Variants in ITGBL1 observed in about 807,000 individuals in gnomAD.
ITGBL1 encodes the protein integrin beta-like protein 1.
In ITGBL1, 51 loss-of-function variants were observed where a neutral mutation model predicts 68.5. The observed-to-expected ratio is 0.74, with a 90% CI of 0.59 to 0.94. The LOEUF is 0.94. Among genes scored for constraint, ITGBL1 ranks in the 40% least tolerant of loss-of-function variants. The pLI, the probability that ITGBL1 is intolerant of heterozygous loss-of-function variation, is 0.00. For synonymous variants in ITGBL1, 209 were observed against 227.3 expected (o/e 0.92, Z 0.72); for missense variants, 649 against 647.4 (o/e 1.00, Z -0.03).
At chr13:101,689,979 C>T (rs1024223034) in intron 7 of ITGBL1, among the ~76,000 whole-genome samples, 6 of 152,118 alleles carry the variant, frequency 3.9e-5, no homozygotes, top group African/African-American at 1.4e-4. Context: ...CATCCTAATA[C>T]GTTATTTTTG....
intron 2 of ITGBL1, among the ~76,000 whole-genome samples, chr13:101,485,449 A>C (rs1343305067): frequency 6.6e-6 from 1 of 152,198 alleles, no homozygotes. Flanking sequence ...GCTCAAAATC[A>C]CGAATCATCA....
chr13:101,620,680 T>G (rs1025932986), intron 7 of ITGBL1, among the ~76,000 whole-genome samples: 2 of 152,144 alleles, frequency 1.3e-5, no homozygotes, highest in Admixed American at 6.6e-5. Context: ...CCAGAGCCAC[T>G]GGACATGAGA....
At chr13:101,672,457 C>T (rs916046570) in intron 7 of ITGBL1, among the ~76,000 whole-genome samples, 4 of 152,210 alleles carry the variant, frequency 2.6e-5, no homozygotes, top group Non-Finnish European at 5.9e-5. Flanking sequence ...TGGGAATAGG[C>T]AGGCTCAAAA....
intron 2 of ITGBL1, among the ~76,000 whole-genome samples, chr13:101,530,056 A>AGAAACAGCCT (rs1409195471): frequency 1.3e-5 from 2 of 152,214 alleles, no homozygotes; most frequent in Non-Finnish European, 2.9e-5. Context: ...AATCTAATAA[A>AGAAACAGCCT]GAAACAGCCT....
At chr13:101,508,615 TAA>T (rs1438454612) in intron 2 of ITGBL1, among the ~76,000 whole-genome samples, 3 of 152,152 alleles carry the variant, frequency 2.0e-5, no homozygotes, top group Non-Finnish European at 1.5e-5. Context: ...TGATAAATAT[TAA>T]GTTTTATTAT....
chr13:101,548,099 A>G (rs112192812), intron 2 of ITGBL1, among the ~76,000 whole-genome samples: 2,156 of 151,928 alleles, frequency 0.014, 47 homozygotes, highest in African/African-American at 0.048. Flanking sequence ...ACTTTTAAGA[A>G]TAAGTTTAGT....
At chr13:101,623,182 A>C (rs1486649716) in intron 7 of ITGBL1, among the ~76,000 whole-genome samples, 2 of 152,008 alleles carry the variant, frequency 1.3e-5, no homozygotes, top group African/African-American at 4.8e-5. Flanking sequence ...ATTTACTACA[A>C]ATTTTAAAAT....
At chr13:101,547,966 C>A (rs543324184) in intron 2 of ITGBL1, among the ~76,000 whole-genome samples, 24 of 151,310 alleles carry the variant, frequency 1.6e-4, no homozygotes, top group African/African-American at 4.8e-4. Context: ...CACACACACA[C>A]AAAAAGAGAT....
At chr13:101,626,423 G>A (rs1261869393) in intron 7 of ITGBL1, among the ~76,000 whole-genome samples, 1 of 152,098 alleles carries the variant, frequency 6.6e-6, no homozygotes, top group Non-Finnish European at 1.5e-5. Flanking sequence ...TCCGAAATAA[G>A]CAGCTTACCT....
chr13:101,465,530 G>GA (rs2048371839), intron 2 of ITGBL1, among the ~76,000 whole-genome samples: 1 of 152,044 alleles, frequency 6.6e-6, no homozygotes, highest in African/African-American at 2.4e-5. Context: ...TCAGAAGGAA[G>GA]AAAAAAGGAA....
At chr13:101,654,144 A>C (rs1053109831) in intron 7 of ITGBL1, among the ~76,000 whole-genome samples, 1 of 152,180 alleles carries the variant, frequency 6.6e-6, no homozygotes, top group Non-Finnish European at 1.5e-5. Context: ...AGGAACGAAA[A>C]GGATCACTGT....
chr13:101,671,437 G>GTTTTTTTTTTTTTTTT (rs1491455482), intron 7 of ITGBL1, among the ~76,000 whole-genome samples: 45 of 102,798 alleles, frequency 4.4e-4, no homozygotes, highest in Middle Eastern at 6.1e-3. Flanking sequence ...TTTTTTTTTT[G>GTTTTTTTTTTTTTTTT]TTTTTTTTTG....
chr13:101,665,872 C>A (rs1263921211), intron 7 of ITGBL1, among the ~76,000 whole-genome samples: 2 of 152,200 alleles, frequency 1.3e-5, no homozygotes, highest in African/African-American at 4.8e-5. Context: ...CAGTCTTACA[C>A]ACACAAAAAT....
intron 2 of ITGBL1, among the ~76,000 whole-genome samples, chr13:101,544,290 A>C (rs1448973653): frequency 1.3e-5 from 2 of 152,202 alleles, no homozygotes; most frequent in Non-Finnish European, 2.9e-5. Context: ...CCTCAGCTGC[A>C]GGTCTGTTGG....
At chr13:101,473,244 G>A (rs2048487644) in intron 2 of ITGBL1, among the ~76,000 whole-genome samples, 2 of 152,164 alleles carry the variant, frequency 1.3e-5, no homozygotes, top group African/African-American at 4.8e-5. Context: ...CAAAGAAAGA[G>A]GCAATGAAGA....
chr13:101,605,180 A>C (rs1309225864), intron 7 of ITGBL1, among the ~76,000 whole-genome samples: 1 of 88,360 alleles, frequency 1.1e-5, no homozygotes, highest in African/African-American at 4.4e-5. Context: ...ATATGCACAT[A>C]TAGACATAGG....
At chr13:101,648,635 ATAAAG>A (rs1410791564) in intron 7 of ITGBL1, among the ~76,000 whole-genome samples, 3 of 152,226 alleles carry the variant, frequency 2.0e-5, no homozygotes, top group Non-Finnish European at 4.4e-5. Context: ...CACCAATGAC[ATAAAG>A]TAATTTCTGG....
chr13:101,477,907 A>G (rs1387838253), intron 2 of ITGBL1, among the ~76,000 whole-genome samples: 1 of 152,082 alleles, frequency 6.6e-6, no homozygotes, highest in African/African-American at 2.4e-5. Flanking sequence ...TTTACAAAAC[A>G]TTTAAAGAAA....
intron 2 of ITGBL1, among the ~76,000 whole-genome samples, chr13:101,526,358 A>G (rs1359675621): frequency 6.6e-6 from 1 of 151,696 alleles, no homozygotes; most frequent in Non-Finnish European, 1.5e-5. Context: ...CCCCATGTCC[A>G]TGTATTCTCA....
Sources: gnomAD v4.1 joint callset for allele counts (sites outside exome capture counted in the v4.1 genomes callset) on GRCh38, gnomAD v4.1.1 for gene constraint, MANE v1.5 for transcripts, NCBI Gene and HGNC (gene_info 2026-07-23, HGNC 2026-07-21) for gene names.